The following PCDH11X variants were observed in gnomAD, a reference collection of about 807,000 sequenced individuals.
The protein encoded by PCDH11X is protocadherin 11 X-linked.
Under a neutral mutation model 53.3 loss-of-function variants are expected in PCDH11X, and 18 were observed. That is an observed-to-expected ratio of 0.34 (90% CI 0.23 to 0.50). PCDH11X has a LOEUF of 0.50. Among genes scored for constraint, PCDH11X ranks in the 20% least tolerant of loss-of-function variants. PCDH11X has a pLI of 0.98. For synonymous variants in PCDH11X, 279 were observed against 393.3 expected, an observed-to-expected ratio of 0.71 and a Z score of 3.44; for missense variants, 570 against 1,032.4, an observed-to-expected ratio of 0.55 and a Z score of 6.14.
chrX:92,619,276 A>C lies in PCDH11X; in HGVS notation c.*336A>C, dbSNP rs1444578024. 3.4e-6 allele frequency: 1 copy of C among 291,771 alleles called. No homozygotes were observed. The highest frequency in any genetic ancestry group is 6.0e-6 in the Non-Finnish European group (1 of 165,958). 24.0% of individuals were successfully genotyped at this position (291,771 alleles called of 1,213,427 possible). A position where few individuals can be genotyped will look rare whatever the true frequency, so the allele number is the denominator to read the frequency against. ...ATATTACTGATTTGTTTCCATGCTG[A>C]TTGTGTGGAACCAGTATGTAGCAAA... On this transcript the variant is annotated 3_prime_UTR_variant, in exon 11 of 11. Transcript: ENST00000682573.
At chrX:91,954,970 T>G (rs1382832557) in intron 6 of PCDH11X, among the ~76,000 whole-genome samples, 1 of 109,054 alleles carries the variant, frequency 9.2e-6, no homozygotes, top group Non-Finnish European at 1.9e-5. Flanking sequence ...AGATCCCATT[T>G]GTCAATTTTT....
chrX:92,143,214 AG>A (rs1461225691), intron 6 of PCDH11X, among the ~76,000 whole-genome samples: 1 of 112,051 alleles, frequency 8.9e-6, no homozygotes, highest in African/African-American at 3.2e-5. Context: ...AGGGAGGTCA[AG>A]GCTGCAGTGA....
At chrX:92,480,612 G>A (rs1428100055) in intron 10 of PCDH11X, among the ~76,000 whole-genome samples, 1 of 110,268 alleles carries the variant, frequency 9.1e-6, no homozygotes, top group Non-Finnish European at 1.9e-5. Flanking sequence ...AAGAATTTGG[G>A]GGGCCAAGTC....
chrX:92,272,525 AT>A (rs1418724662), intron 8 of PCDH11X, among the ~76,000 whole-genome samples: 2 of 111,796 alleles, frequency 1.8e-5, no homozygotes, highest in African/African-American at 6.5e-5. Context: ...ATTTATTTGA[AT>A]TTTTTTATTG....
chrX:92,186,956 A>C (rs949477390), intron 6 of PCDH11X, among the ~76,000 whole-genome samples: 1 of 111,965 alleles, frequency 8.9e-6, no homozygotes, highest in African/African-American at 3.2e-5. Context: ...GTCAACTAAA[A>C]CGTTAAATGC....
intron 6 of PCDH11X, among the ~76,000 whole-genome samples, chrX:92,018,710 T>C (rs1275532043): frequency 8.9e-6 from 1 of 112,860 alleles, no homozygotes; most frequent in Admixed American, 9.4e-5. Context: ...CCATGTGATC[T>C]AATTATTATT....
intron 10 of PCDH11X, among the ~76,000 whole-genome samples, chrX:92,512,186 C>T (rs2074173075): frequency 1.8e-5 from 2 of 108,978 alleles, no homozygotes; most frequent in African/African-American, 6.7e-5. Context: ...TTCTCTAAGG[C>T]ACCAGCATAT....
At chrX:92,259,459 A>T (rs2067668695) in intron 7 of PCDH11X, among the ~76,000 whole-genome samples, 1 of 111,104 alleles carries the variant, frequency 9.0e-6, no homozygotes, top group African/African-American at 3.3e-5. Flanking sequence ...GAACCAAGAG[A>T]GAGGGGAAGT....
At chrX:91,798,511 C>A (rs867896356) in intron 1 of PCDH11X, among the ~76,000 whole-genome samples, 42 of 109,569 alleles carry the variant, frequency 3.8e-4, no homozygotes, top group Admixed American at 1.1e-3. Context: ...ATCACTTGAA[C>A]CAGGGAGGCA....
At chrX:92,277,771 G>A (rs1054532126) in intron 8 of PCDH11X, among the ~76,000 whole-genome samples, 1 of 110,743 alleles carries the variant, frequency 9.0e-6, no homozygotes, top group Admixed American at 9.6e-5. Flanking sequence ...TACCCCTCTA[G>A]AAAAGTGGGA....
chrX:92,305,266 AAG>A (rs771108535), intron 8 of PCDH11X, among the ~76,000 whole-genome samples: 1 of 109,978 alleles, frequency 9.1e-6, no homozygotes, highest in Non-Finnish European at 1.9e-5. Flanking sequence ...ATGGGTAACA[AAG>A]TTACCACAGA....
At chrX:91,891,950 G>GA (rs1190409332) in intron 6 of PCDH11X, among the ~76,000 whole-genome samples, 2 of 91,207 alleles carry the variant, frequency 2.2e-5, no homozygotes, top group Non-Finnish European at 4.3e-5. Context: ...AAAAGAAAAA[G>GA]AAAAAAAGCA....
intron 6 of PCDH11X, among the ~76,000 whole-genome samples, chrX:91,908,686 T>G (rs962912585): frequency 1.3e-4 from 14 of 107,807 alleles, no homozygotes; most frequent in South Asian, 8.4e-4. Context: ...GTGCCAGTAA[T>G]CCCAGGTACT....
intron 6 of PCDH11X, among the ~76,000 whole-genome samples, chrX:92,166,364 A>G (rs934761647): frequency 9.1e-6 from 1 of 109,791 alleles, no homozygotes. Context: ...AGTAATAACT[A>G]TGACTTTGGA....
intron 6 of PCDH11X, among the ~76,000 whole-genome samples, chrX:92,185,808 A>C (rs1230326599): frequency 9.1e-6 from 1 of 110,363 alleles, no homozygotes; most frequent in Admixed American, 9.7e-5. Context: ...TTTTACCCTA[A>C]ATAGAATACC....
At chrX:92,449,054 G>A (rs1174433718) in intron 9 of PCDH11X, among the ~76,000 whole-genome samples, 8 of 111,615 alleles carry the variant, frequency 7.2e-5, no homozygotes, top group Non-Finnish European at 1.3e-4. Flanking sequence ...TCATTACTTC[G>A]ATTTACCAAG....
intron 10 of PCDH11X, among the ~76,000 whole-genome samples, chrX:92,589,339 A>G (rs750022019): frequency 7.1e-5 from 8 of 112,157 alleles, no homozygotes; most frequent in African/African-American, 2.3e-4. Flanking sequence ...TTAAGTAGAA[A>G]GACAAAATGA....
chrX:92,109,761 T>A (rs1297451501), intron 6 of PCDH11X, among the ~76,000 whole-genome samples: 2 of 112,178 alleles, frequency 1.8e-5, no homozygotes, highest in Non-Finnish European at 1.9e-5. Context: ...GGGAAAGGGC[T>A]ATAATTTCAT....
chrX:92,276,912 A>C (rs953695044), intron 8 of PCDH11X, among the ~76,000 whole-genome samples: 4 of 111,474 alleles, frequency 3.6e-5, no homozygotes, highest in African/African-American at 1.3e-4. Context: ...ATTTGGGATA[A>C]AGAGAAAGGA....
Sources: allele counts gnomAD v4.1 joint callset (sites outside exome capture counted in the v4.1 genomes callset), GRCh38; gene constraint gnomAD v4.1.1; transcripts MANE v1.5; gene names NCBI Gene and HGNC (gene_info 2026-07-23, HGNC 2026-07-21).